Variants in PCDHGA3 observed in about 807,000 individuals in gnomAD.
PCDHGA3 encodes the protein protocadherin gamma-A3.
PCDHGA3 carries 40 observed loss-of-function variants against 58.5 expected under a neutral mutation model. That is an observed-to-expected ratio of 0.68 (90% confidence interval 0.53 to 0.89). The LOEUF (loss-of-function observed/expected upper bound fraction) is 0.89. Among genes scored for constraint, PCDHGA3 ranks in the 40% least tolerant of loss-of-function variants. The probability of loss-of-function intolerance (pLI) is 0.00; values close to 1 mark genes in which losing one functional copy is unlikely to be tolerated. For synonymous variants in PCDHGA3, 530 were observed against 525.7 expected (o/e 1.01, Z -0.11); for missense variants, 1,223 against 1,195.9 (o/e 1.02, Z -0.33).
intron 1 of PCDHGA3, chr5:141,413,709 C>T (rs998398149): frequency 2.4e-5 from 39 of 1,613,536 alleles, no homozygotes; most frequent in Non-Finnish European, 3.3e-5. Flanking sequence ...AGCTCAGCCC[C>T]AATAAGCACT....
intron 1 of PCDHGA3, among the ~76,000 whole-genome samples, chr5:141,464,240 G>A (rs1396190870): frequency 1.3e-5 from 2 of 150,444 alleles, no homozygotes; most frequent in Non-Finnish European, 2.9e-5. Context: ...ACTCCAGCCT[G>A]GGCTACAGAG....
At chr5:141,423,529 C>T in intron 1 of PCDHGA3, 1 of 1,613,754 alleles carries the variant, frequency 6.2e-7, no homozygotes, top group South Asian at 1.1e-5. Flanking sequence ...GCAGAAGAGT[C>T]ACCTGATTTT....
In PCDHGA3 at chr5:141,432,613, G is replaced by A. The variant is rs1461837957; in HGVS notation, c.2425-62194G>A. 6.2e-7 allele frequency: 1 copy of A among 1,613,946 alleles called. No homozygotes were observed. The highest frequency in any genetic ancestry group is 1.3e-5 in the African/African-American group (1 of 75,056). On this transcript the variant is annotated intron_variant, in intron 1 of 3. Coordinates refer to ENST00000253812, the MANE Select transcript of PCDHGA3 (RefSeq NM_018916.4). The surrounding 1 kb of genome is among the most constrained non-coding windows in gnomAD (Gnocchi z 6.0). ...AGGCCAGCGAGCCGGGACTCTTCTC[G>A]GTGGGTCTGCACACGGGCGAGGTGC...
In PCDHGA3 at chr5:141,511,364, T is replaced by C. The variant is rs115159796; in HGVS notation, c.*191T>C. The C allele has an allele frequency of 4.6e-4, 610 of 1,317,098 alleles. 5 individuals are homozygous for C. In the African/African-American group the frequency reaches 7.1e-3, roughly 15 times the overall value. The allele number at this position is 1,317,098 out of a possible 1,614,324, so 81.6% of individuals were successfully genotyped here. On this transcript the variant is annotated 3_prime_UTR_variant, in exon 4 of 4. Coordinates refer to ENST00000253812, the MANE Select transcript of PCDHGA3 (RefSeq NM_018916.4). ...ACCCCTTCCCCCCCAGGGGGTTGAA[T>C]ATGCAAAAGCAGTTCCGCTGGGAAC...
intron 1 of PCDHGA3, chr5:141,350,744 A>T: frequency 6.2e-7 from 1 of 1,613,954 alleles, no homozygotes; most frequent in Non-Finnish European, 8.5e-7. Context: ...TGTGGAAGGC[A>T]ATTCACTGAA....
chr5:141,425,897 A>G (rs893972047), intron 1 of PCDHGA3, among the ~76,000 whole-genome samples: 1 of 152,240 alleles, frequency 6.6e-6, no homozygotes, highest in African/African-American at 2.4e-5. Context: ...TTTGGTAGTA[A>G]ACACTGGAAA....
chr5:141,391,083 G>A (rs974357992), intron 1 of PCDHGA3: 1 of 152,152 alleles, frequency 6.6e-6, no homozygotes, highest in East Asian at 1.9e-4. Context: ...ATGTGTAACT[G>A]CCTTATCTGC....
chr5:141,457,676 A>G (rs1380484149), intron 1 of PCDHGA3, among the ~76,000 whole-genome samples: 2 of 152,240 alleles, frequency 1.3e-5, no homozygotes, highest in East Asian at 3.8e-4. Flanking sequence ...TTATTTCTAC[A>G]TAGGACTTTT....
intron 1 of PCDHGA3, chr5:141,388,753 T>C: frequency 6.2e-7 from 1 of 1,613,986 alleles, no homozygotes; most frequent in Non-Finnish European, 8.5e-7. Flanking sequence ...ATCACCCAAT[T>C]TGACCTGAAC....
intron 1 of PCDHGA3, chr5:141,408,178 G>A (rs1425207794): frequency 1.3e-6 from 2 of 1,535,708 alleles, no homozygotes; most frequent in Non-Finnish European, 1.8e-6. Context: ...GAAAAGCGGG[G>A]ACCCAGCGAG....
At chr5:141,389,982 C>T in intron 1 of PCDHGA3, 1 of 1,614,034 alleles carries the variant, frequency 6.2e-7, no homozygotes, top group Non-Finnish European at 8.5e-7. Context: ...GATCTCAGTG[C>T]TCTTCCTCGT....
intron 2 of PCDHGA3, 103 bp from the exon 3 acceptor site, chr5:141,505,290 G>A: frequency 3.2e-6 from 5 of 1,564,680 alleles, no homozygotes; most frequent in Non-Finnish European, 4.3e-6. Context: ...TTGGGCATGG[G>A]GTAGGGTTAG....
intron 1 of PCDHGA3, chr5:141,355,462 G>A (rs1450885001): frequency 6.2e-7 from 1 of 1,614,088 alleles, no homozygotes; most frequent in Admixed American, 1.7e-5. Flanking sequence ...GGTCACCGCG[G>A]GTAGGATAGA....
intron 1 of PCDHGA3, chr5:141,423,068 A>T: frequency 6.2e-7 from 1 of 1,614,090 alleles, no homozygotes; most frequent in Non-Finnish European, 8.5e-7. Context: ...AAGGCCAGCG[A>T]GCCGGGACTC....
chr5:141,487,802 C>T lies in PCDHGA3; in HGVS notation c.2425-7005C>T, dbSNP rs765438219. The T allele has an allele frequency of 9.5e-6, 14 of 1,477,306 alleles. No individual in the cohort carries two copies. The South Asian group carries it at 1.7e-4, about 18-fold the overall frequency. 91.5% of individuals were successfully genotyped at this position (1,477,306 alleles called of 1,614,324 possible). A position where few individuals can be genotyped will look rare whatever the true frequency, so the allele number is the denominator to read the frequency against. ...TTTCGTGAATTAACCAGAGTTGTCACAGTTTAGCATTGGGGGCGGGTCATG... is the reference window on the plus strand; with the variant it reads ...TTTCGTGAATTAACCAGAGTTGTCATAGTTTAGCATTGGGGGCGGGTCATG... On this transcript the variant is annotated intron_variant, in intron 1 of 3. Transcript: ENST00000253812. The surrounding 1 kb of genome is among the most constrained non-coding windows in gnomAD (Gnocchi z 5.0).
At chr5:141,399,751 G>T (rs564705346) in intron 1 of PCDHGA3, 2 of 1,613,322 alleles carry the variant, frequency 1.2e-6, no homozygotes, top group Non-Finnish European at 1.7e-6. Context: ...CAGCGCAAAC[G>T]TGAGCCTGCG....
rs747584731 is a variant in PCDHGA3, at chr5:141,344,291, C to A, written c.258C>A (p.Thr86=). The A allele has an allele frequency of 6.8e-6, 11 of 1,613,940 alleles. No homozygotes were observed. The East Asian group carries it at 2.5e-4, about 36-fold the overall frequency. The change falls in exon 1 of 4, where the codon ACC becomes ACA. Residue 86 remains threonine (T), a synonymous_variant. Transcript: ENST00000253812. ...ATCCGCAAAGCGGCAGCTTGGTCAC[C>A]GCGGAGAGGATAGACCGGGAGGAGC... is the stretch of plus-strand genomic sequence containing the variant. ...SLNPQSGSLV[T]AERIDREELC...
rs1596285501 is a variant in PCDHGA3, at chr5:141,510,367, C to A, written c.2573-580C>A. Among the ~76,000 whole-genome samples the A allele has an allele frequency of 5.0e-5, 7 of 140,362 alleles. 1 individual carries two copies. In the South Asian group the frequency reaches 1.6e-3, roughly 31 times the overall value. The allele number at this position is 140,362 out of a possible 152,430, so 92.1% of individuals were successfully genotyped here. A position where few individuals can be genotyped will look rare whatever the true frequency, so the allele number is the denominator to read the frequency against. On this transcript the variant is annotated intron_variant, in intron 3 of 3. Transcript: ENST00000253812. ...ACACTTACTAACGGAACTACCGAAT[C>A]TCTACTCGTGCCAGGCCTTGCTTGG...
At chr5:141,446,922 T>G (rs939249512) in intron 1 of PCDHGA3, among the ~76,000 whole-genome samples, 1 of 152,220 alleles carries the variant, frequency 6.6e-6, no homozygotes, top group Non-Finnish European at 1.5e-5. Context: ...TTTATCTTCC[T>G]GATCTCTTTT....
Sources: gnomAD v4.1 joint callset for allele counts (sites outside exome capture counted in the v4.1 genomes callset) on GRCh38, gnomAD v4.1.1 for gene constraint, Gnocchi (gnomAD v3.1) non-coding constraint, MANE v1.5 for transcripts, NCBI Gene and HGNC (gene_info 2026-07-23, HGNC 2026-07-21) for gene names.